Variants in MAML2 observed in about 807,000 individuals in gnomAD.
MAML2 encodes the protein mastermind like transcriptional coactivator 2.
In MAML2, 22 loss-of-function variants were observed where a neutral mutation model predicts 96.1. The ratio of observed to expected loss-of-function variants is 0.23; its 90% CI spans 0.16 to 0.33. The LOEUF (loss-of-function observed/expected upper bound fraction) is 0.33. Among genes scored for constraint, MAML2 ranks in the 10% least tolerant of loss-of-function variants. The probability of loss-of-function intolerance (pLI) is 1.00; values close to 1 mark genes in which losing one functional copy is unlikely to be tolerated. For missense variants in MAML2, 1,367 were observed against 1,392.4 expected (o/e 0.98, Z 0.29); for synonymous variants, 561 against 521.3 (o/e 1.08, Z -1.04).
chr11:96,129,769 C>T (rs560526271), intron 1 of MAML2, among the ~76,000 whole-genome samples: 1 of 152,298 alleles, frequency 6.6e-6, no homozygotes, highest in South Asian at 2.1e-4. Context: ...TCAGCCCTTA[C>T]TCCTCCTCCT....
intron 2 of MAML2, among the ~76,000 whole-genome samples, chr11:96,060,590 G>A (rs1859141998): frequency 6.6e-6 from 1 of 152,134 alleles, no homozygotes; most frequent in Non-Finnish European, 1.5e-5. Context: ...AAGACCTAAT[G>A]AGAAGAAAGT....
intron 2 of MAML2, among the ~76,000 whole-genome samples, chr11:96,012,847 GA>G (rs1001943395): frequency 6.6e-6 from 1 of 152,154 alleles, no homozygotes; most frequent in Non-Finnish European, 1.5e-5. Context: ...AACATTTTCA[GA>G]AACCTCTTTC....
intron 1 of MAML2, among the ~76,000 whole-genome samples, chr11:96,264,504 T>G (rs1448843292): frequency 6.6e-6 from 1 of 152,244 alleles, no homozygotes; most frequent in South Asian, 2.1e-4. Flanking sequence ...TGTCCTGTTT[T>G]GTGCCACTCA....
chr11:96,136,242 T>G (rs1296288278), intron 1 of MAML2, among the ~76,000 whole-genome samples: 1 of 149,948 alleles, frequency 6.7e-6, no homozygotes, highest in Non-Finnish European at 1.5e-5. Flanking sequence ...CTCTTCCTTT[T>G]TTTTCTTTGC....
chr11:96,079,724 C>T (rs1229339285), intron 2 of MAML2, among the ~76,000 whole-genome samples: 4 of 152,138 alleles, frequency 2.6e-5, no homozygotes, highest in Admixed American at 6.5e-5. Flanking sequence ...GGTCAGGAAG[C>T]GACCATCAGA....
At chr11:96,284,374 G>A (rs1054227214) in intron 1 of MAML2, among the ~76,000 whole-genome samples, 18 of 152,124 alleles carry the variant, frequency 1.2e-4, no homozygotes, top group African/African-American at 3.9e-4. Flanking sequence ...AACATAGTCC[G>A]TATCAAACTT....
chr11:96,243,357 A>C (rs990299706), intron 1 of MAML2, among the ~76,000 whole-genome samples: 6 of 152,078 alleles, frequency 3.9e-5, no homozygotes, highest in African/African-American at 1.4e-4. Context: ...AATTGCCTGC[A>C]CTCCTTAAAC....
intron 2 of MAML2, among the ~76,000 whole-genome samples, chr11:96,034,885 A>G (rs2135749882): frequency 6.6e-6 from 1 of 152,262 alleles, no homozygotes; most frequent in Non-Finnish European, 1.5e-5. Context: ...GACTCTAATC[A>G]TTGTAACCAT....
intron 1 of MAML2, among the ~76,000 whole-genome samples, chr11:96,237,202 G>T (rs974245844): frequency 3.9e-5 from 6 of 152,072 alleles, no homozygotes; most frequent in African/African-American, 1.4e-4. Context: ...TCTCTTCTTG[G>T]CCAGTCAGTA....
At chr11:96,173,413 G>T (rs1861331606) in intron 1 of MAML2, among the ~76,000 whole-genome samples, 1 of 152,128 alleles carries the variant, frequency 6.6e-6, no homozygotes, top group African/African-American at 2.4e-5. Context: ...GGAAGTCCTG[G>T]AGATAAAGGC....
intron 3 of MAML2, among the ~76,000 whole-genome samples, chr11:95,987,074 T>C (rs1037960732): frequency 1.3e-5 from 2 of 152,088 alleles, no homozygotes; most frequent in Non-Finnish European, 2.9e-5. Flanking sequence ...TTTGAGTGAT[T>C]TCGGAAGAGT....
chr11:96,199,776 A>T (rs1350555526), intron 1 of MAML2, among the ~76,000 whole-genome samples: 1 of 152,206 alleles, frequency 6.6e-6, no homozygotes, highest in African/African-American at 2.4e-5. Flanking sequence ...ACTCATGTGA[A>T]TATGCATCAG....
intron 1 of MAML2, among the ~76,000 whole-genome samples, chr11:96,220,366 C>T (rs1862117054): frequency 1.3e-5 from 2 of 152,128 alleles, no homozygotes; most frequent in African/African-American, 4.8e-5. Context: ...ATTTCAACTG[C>T]CTTAGAGATT....
At chr11:96,047,805 G>A (rs571913106) in intron 2 of MAML2, among the ~76,000 whole-genome samples, 11 of 150,796 alleles carry the variant, frequency 7.3e-5, no homozygotes, top group Admixed American at 2.0e-4. Context: ...CCAGCTACTC[G>A]GGAGTCTGAG....
intron 1 of MAML2, among the ~76,000 whole-genome samples, chr11:96,165,115 T>C (rs503790): frequency 0.97 from 148,506 of 152,330 alleles, 72,500 homozygotes; most frequent in East Asian, 1. Context: ...GGCATGCATA[T>C]GCACAATATT....
At chr11:96,076,040 C>T (rs1016684963) in intron 2 of MAML2, among the ~76,000 whole-genome samples, 2 of 152,206 alleles carry the variant, frequency 1.3e-5, no homozygotes, top group Non-Finnish European at 2.9e-5. Context: ...TTTGTTAATA[C>T]ATTCTCCTCT....
intron 1 of MAML2, among the ~76,000 whole-genome samples, chr11:96,135,945 A>C (rs1860624695): frequency 6.6e-6 from 1 of 152,182 alleles, no homozygotes; most frequent in Non-Finnish European, 1.5e-5. Context: ...TAGATACTTA[A>C]TAGATTTTTG....
intron 1 of MAML2, among the ~76,000 whole-genome samples, chr11:96,150,055 C>T (rs919450593): frequency 1.3e-5 from 2 of 152,284 alleles, no homozygotes; most frequent in African/African-American, 4.8e-5. Context: ...GAATATTCTA[C>T]CCCTCAAATT....
At chr11:96,062,718 A>G (rs1333290952) in intron 2 of MAML2, among the ~76,000 whole-genome samples, 1 of 152,184 alleles carries the variant, frequency 6.6e-6, no homozygotes, top group African/African-American at 2.4e-5. Flanking sequence ...TGCCCAGTCC[A>G]TTTTTAACAT....
Sources: gnomAD v4.1 joint callset for allele counts (sites outside exome capture counted in the v4.1 genomes callset) on GRCh38, gnomAD v4.1.1 for gene constraint, MANE v1.5 for transcripts, NCBI Gene and HGNC (gene_info 2026-07-23, HGNC 2026-07-21) for gene names.